The following CSMD1 variants were observed in gnomAD, a reference collection of about 807,000 sequenced individuals.
The protein encoded by CSMD1 is CUB and sushi domain-containing protein 1.
Under a neutral mutation model 417.5 loss-of-function variants are expected in CSMD1, and 213 were observed. That is an observed-to-expected ratio of 0.51 (90% CI 0.46 to 0.57). The LOEUF is 0.57. Ranked by LOEUF, CSMD1 falls within the 20% of genes least tolerant of loss-of-function variation. The pLI, the probability that CSMD1 is intolerant of heterozygous loss-of-function variation, is 0.00. For missense variants in CSMD1, 6,923 were observed against 4,529.7 expected, an observed-to-expected ratio of 1.53 and a Z score of -15.17; for synonymous variants, 2,862 against 1,736.8, an observed-to-expected ratio of 1.65 and a Z score of -16.11.
chr8:3,227,804 G>C (rs1369219189), intron 27 of CSMD1, among the ~76,000 whole-genome samples: 1 of 148,600 alleles, frequency 6.7e-6, no homozygotes, highest in East Asian at 2.0e-4. Flanking sequence ...GTCTCACTCT[G>C]TTGCACAGGC....
At chr8:3,374,457 T>C (rs908295063) in intron 18 of CSMD1, among the ~76,000 whole-genome samples, 1 of 152,172 alleles carries the variant, frequency 6.6e-6, no homozygotes, top group Non-Finnish European at 1.5e-5. Flanking sequence ...GGAAGGCAAA[T>C]AACTTGGTTT....
At chr8:3,930,573 G>C (rs975884883) in intron 5 of CSMD1, among the ~76,000 whole-genome samples, 10 of 150,168 alleles carry the variant, frequency 6.7e-5, no homozygotes, top group African/African-American at 2.5e-4. Flanking sequence ...TACAGAATCT[G>C]AGGTCCCGTT....
chr8:4,364,243 C>A (rs148398726), intron 3 of CSMD1, among the ~76,000 whole-genome samples: 1 of 152,166 alleles, frequency 6.6e-6, no homozygotes, highest in African/African-American at 2.4e-5. Context: ...ATTAAAAATG[C>A]TTTACATCTC....
chr8:2,964,367 G>A (rs779738442), intron 59 of CSMD1, among the ~76,000 whole-genome samples: 1 of 152,294 alleles, frequency 6.6e-6, no homozygotes, highest in East Asian at 1.9e-4. Flanking sequence ...ACCCCACAGC[G>A]AGGGCTGGGG....
At chr8:4,514,242 G>T (rs573438739) in intron 2 of CSMD1, among the ~76,000 whole-genome samples, 1 of 152,142 alleles carries the variant, frequency 6.6e-6, no homozygotes, top group African/African-American at 2.4e-5. Context: ...TGGTGTCTGT[G>T]CTTCTTTTTA....
intron 3 of CSMD1, among the ~76,000 whole-genome samples, chr8:4,243,888 C>T (rs1293803660): frequency 6.6e-6 from 1 of 152,122 alleles, no homozygotes. Context: ...CCTGTTTTCT[C>T]CCATAAACAC....
chr8:4,404,559 C>T (rs1305924822), intron 3 of CSMD1, among the ~76,000 whole-genome samples: 1 of 152,014 alleles, frequency 6.6e-6, no homozygotes, highest in Admixed American at 6.6e-5. Context: ...TAAATATGAA[C>T]ATTTTTAAAA....
intron 3 of CSMD1, among the ~76,000 whole-genome samples, chr8:4,037,569 T>C (rs1471207695): frequency 6.6e-6 from 1 of 151,768 alleles, no homozygotes; most frequent in Non-Finnish European, 1.5e-5. Context: ...CAAGGTGCCG[T>C]TTTTCAACTG....
chr8:3,200,252 T>C (rs1047411217), intron 32 of CSMD1, among the ~76,000 whole-genome samples: 1 of 152,112 alleles, frequency 6.6e-6, no homozygotes, highest in African/African-American at 2.4e-5. Flanking sequence ...AGTATATTTT[T>C]AACCTTTAAA....
intron 2 of CSMD1, among the ~76,000 whole-genome samples, chr8:4,628,214 G>C (rs978317744): frequency 4.0e-5 from 6 of 150,894 alleles, no homozygotes; most frequent in East Asian, 2.0e-4. Flanking sequence ...TTTTCTTGTA[G>C]TTCTAAAAGT....
At chr8:4,343,347 A>C (rs1451541260) in intron 3 of CSMD1, among the ~76,000 whole-genome samples, 1 of 152,100 alleles carries the variant, frequency 6.6e-6, no homozygotes, top group Non-Finnish European at 1.5e-5. Context: ...CCGGAGATCT[A>C]ATATAGAACA....
chr8:3,079,580 A>C (rs940373289), intron 49 of CSMD1, among the ~76,000 whole-genome samples: 1 of 152,204 alleles, frequency 6.6e-6, no homozygotes, highest in Non-Finnish European at 1.5e-5. Flanking sequence ...GATTTACAAA[A>C]TATCTCAGTT....
At chr8:4,618,777 G>C (rs763687573) in intron 2 of CSMD1, among the ~76,000 whole-genome samples, 4 of 152,088 alleles carry the variant, frequency 2.6e-5, no homozygotes, top group Non-Finnish European at 5.9e-5. Context: ...TCTTGAGGAA[G>C]CCCCAAAACA....
At chr8:4,978,752 A>G (rs1309139659) in intron 1 of CSMD1, among the ~76,000 whole-genome samples, 1 of 152,186 alleles carries the variant, frequency 6.6e-6, no homozygotes, top group African/African-American at 2.4e-5. Context: ...AGCCTGGCCA[A>G]CACAGTGAAA....
At chr8:3,161,229 G>C (rs1819872719) in intron 38 of CSMD1, among the ~76,000 whole-genome samples, 1 of 152,046 alleles carries the variant, frequency 6.6e-6, no homozygotes, top group South Asian at 2.1e-4. Flanking sequence ...GCTTACTCAT[G>C]GTTAAACTAG....
At chr8:4,591,553 C>T (rs1476862761) in intron 2 of CSMD1, among the ~76,000 whole-genome samples, 2 of 152,156 alleles carry the variant, frequency 1.3e-5, no homozygotes, top group African/African-American at 2.4e-5. Flanking sequence ...ACAGAGAGGA[C>T]TGTAGTGCAG....
At chr8:3,418,212 C>T (rs1264215653) in intron 12 of CSMD1, among the ~76,000 whole-genome samples, 1 of 152,116 alleles carries the variant, frequency 6.6e-6, no homozygotes, top group Non-Finnish European at 1.5e-5. Context: ...GTTTTTCCTT[C>T]CCTTTTGTGG....
chr8:3,632,015 G>T (rs528584608), intron 7 of CSMD1, among the ~76,000 whole-genome samples: 1 of 152,188 alleles, frequency 6.6e-6, no homozygotes, highest in South Asian at 2.1e-4. Context: ...CTAACCATAG[G>T]TTAACTCATC....
intron 23 of CSMD1, among the ~76,000 whole-genome samples, chr8:3,338,432 T>C (rs981750676): frequency 1.5e-4 from 23 of 152,214 alleles, no homozygotes; most frequent in African/African-American, 5.5e-4. Flanking sequence ...AAGAAAGGGA[T>C]AGACAGAGAA....
Sources: gnomAD v4.1 joint callset for allele counts (sites outside exome capture counted in the v4.1 genomes callset) on GRCh38, gnomAD v4.1.1 for gene constraint, MANE v1.5 for transcripts, NCBI Gene and HGNC (gene_info 2026-07-23, HGNC 2026-07-21) for gene names.